The following ZZEF1 variants were observed in gnomAD, a reference collection of about 807,000 sequenced individuals.
ZZEF1 encodes the protein zinc finger ZZ-type and EF-hand domain-containing protein 1.
In ZZEF1, 157 loss-of-function variants were observed where a neutral mutation model predicts 342.8. That is an observed-to-expected ratio of 0.46 (90% CI 0.40 to 0.52). The LOEUF (loss-of-function observed/expected upper bound fraction) is 0.52. ZZEF1 is among the 20% of genes least tolerant of loss of function. ZZEF1 has a pLI of 0.00. For missense variants in ZZEF1, 3,480 were observed against 3,725.6 expected (o/e 0.93, Z 1.72); for synonymous variants, 1,505 against 1,429.1 (o/e 1.05, Z -1.20).
At chr17:4,009,070 T>A in intron 53 of ZZEF1, 116 bp from the exon 54 acceptor site, 1 of 1,255,354 alleles carries the variant, frequency 8.0e-7, no homozygotes, top group Non-Finnish European at 1.1e-6. Flanking sequence ...CGGACGCTAC[T>A]CACGCCGCCC....
chr17:4,053,494 A>T (rs2057092769), intron 34 of ZZEF1, among the ~76,000 whole-genome samples: 1 of 152,330 alleles, frequency 6.6e-6, no homozygotes, highest in South Asian at 2.1e-4. Context: ...TTCCAGAAAC[A>T]ATCTGTACCC....
chr17:4,019,200 T>A (rs1268430653), intron 46 of ZZEF1, among the ~76,000 whole-genome samples: 1 of 152,054 alleles, frequency 6.6e-6, no homozygotes, highest in Non-Finnish European at 1.5e-5. Flanking sequence ...GAAGTCAAAA[T>A]TAGGATACGG....
intron 45 of ZZEF1, chr17:4,020,000 C>A: frequency 2.3e-6 from 1 of 433,636 alleles, no homozygotes; most frequent in South Asian, 3.8e-5. Flanking sequence ...ACACTAAAAC[C>A]CCAAAGAAAT....
At chr17:4,069,614 T>C (rs1459536518) in intron 26 of ZZEF1, among the ~76,000 whole-genome samples, 2 of 152,128 alleles carry the variant, frequency 1.3e-5, no homozygotes, top group South Asian at 2.1e-4. Context: ...GCAGATCACC[T>C]GAGGTCAGGA....
In ZZEF1 at chr17:4,116,956, C is replaced by G. The variant is rs375117810; in HGVS notation, c.694+16G>C. ...ATGATCAGAGTATTTTCAGGAGAAC[C>G]CCCACACACACATACCCTTTTCCTT... On this transcript the variant is annotated intron_variant, in intron 3 of 54. Transcript: ENST00000381638. 8.3e-6 allele frequency: 13 copies of G among 1,556,992 alleles called. No individual in the cohort carries two copies. Among genetic ancestry groups the G allele is most frequent in the African/African-American group, 5.5e-5 (4 of 72,848 alleles).
chr17:4,103,128 G>A (rs1597895937), intron 8 of ZZEF1, among the ~76,000 whole-genome samples: 1 of 152,002 alleles, frequency 6.6e-6, no homozygotes, highest in Non-Finnish European at 1.5e-5. Flanking sequence ...GCTGCTCTGG[G>A]CTGTTGACCA....
intron 19 of ZZEF1, 56 bp downstream of exon 19, chr17:4,077,827 C>T: frequency 1.5e-5 from 23 of 1,583,544 alleles, no homozygotes; most frequent in South Asian, 2.2e-5. Flanking sequence ...GAAGAGAACA[C>T]TCAGAGTCAA....
chr17:4,122,381 C>T (rs1446896344), intron 2 of ZZEF1, among the ~76,000 whole-genome samples: 22 of 145,146 alleles, frequency 1.5e-4, no homozygotes, highest in African/African-American at 5.5e-4. Context: ...CATGTCTTTT[C>T]TTTTTTTTTT....
Position 4,117,124 on chromosome 17 carries a change from A to G in ZZEF1, c.542T>C (p.Ile181Thr). ...GAAGCGCAGTATCATTGACGAGTGA[A>G]TATCAAGGCCCTCCTTCGACTCTGA... ...IFSESKEGLD[I>T]HSSMILRFLH... The change falls in exon 3 of 55, where the codon ATT (isoleucine) becomes ACT (threonine). Residue 181 changes from isoleucine (I) to threonine (T), a missense_variant. Coordinates refer to ENST00000381638, the MANE Select transcript of ZZEF1 (RefSeq NM_015113.4). The G allele has an allele frequency of 4.3e-6, 7 of 1,613,920 alleles. 1 individual carries two copies. The highest frequency in any genetic ancestry group is 2.2e-5 in the South Asian group (2 of 91,066).
rs78111743 is a variant in ZZEF1 at position 4,123,931 on chromosome 17, G to A, written c.475C>T (p.Leu159=). The change falls in exon 2 of 55, where the codon CTA becomes TTA. Residue 159 remains leucine, a synonymous_variant. Coordinates refer to ENST00000381638, the MANE Select transcript of ZZEF1 (RefSeq NM_015113.4). ...CCTGGAACCAGAGAGCAGGCCTGTA[G>A]TTGTCTGATGATGTGGCTCAGCTCC... ...QGELSHIIRQ[L]QACSLVPGFT... 1 of 1,614,018 alleles carries A rather than the reference G, an allele frequency of 6.2e-7. No homozygotes were observed. The highest frequency in any genetic ancestry group is 8.5e-7 in the Non-Finnish European group (1 of 1,179,986).
Position 4,064,495 on chromosome 17 carries a change from GA to G in ZZEF1, c.4583del (p.Phe1528SerfsTer23). On this transcript the variant is annotated frameshift_variant, in exon 29 of 55. Transcript: ENST00000381638. LOFTEE classifies it high-confidence loss of function. ...SPSTPTRRPP[F>X]TRGRLRLLSF... Reference sequence around the variant, plus strand: ...AGAGCAGCCGGAGTCGCCCTCGGGTGAAGGGAGGCCGGCGGGTGGGTGTGGA... The same window carrying G: ...AGAGCAGCCGGAGTCGCCCTCGGGTGAGGGAGGCCGGCGGGTGGGTGTGGA... 6.2e-7 allele frequency: 1 copy of G among 1,614,202 alleles called. No individual in the cohort carries two copies.
intron 28 of ZZEF1, 92 bp downstream of exon 28, chr17:4,066,355 T>A (rs2057394619): frequency 9.1e-7 from 1 of 1,103,144 alleles, no homozygotes; most frequent in Non-Finnish European, 1.4e-6. Flanking sequence ...ACAGCCTCAA[T>A]TAAGATAATC....
chr17:4,009,938 A>C (rs781350444), intron 52 of ZZEF1, among the ~76,000 whole-genome samples, 181 bp from the exon 53 acceptor site: 4 of 152,180 alleles, frequency 2.6e-5, no homozygotes, highest in Non-Finnish European at 4.4e-5. Flanking sequence ...ACAGCAAAGA[A>C]GGAAAGGGGC....
chr17:4,126,150 A>G (rs950950547), intron 1 of ZZEF1, among the ~76,000 whole-genome samples: 1 of 149,452 alleles, frequency 6.7e-6, no homozygotes, highest in African/African-American at 2.5e-5. Flanking sequence ...GCTTGAACCC[A>G]GGAGGCAGAG....
chr17:4,120,009 A>T (rs900527714), intron 2 of ZZEF1, among the ~76,000 whole-genome samples: 15 of 152,186 alleles, frequency 9.9e-5, no homozygotes, highest in African/African-American at 3.6e-4. Flanking sequence ...AATCAAATTA[A>T]ACAGCCAACT....
In ZZEF1 at chr17:4,042,454, G is replaced by C; in HGVS notation, c.6281C>G (p.Ala2094Gly). Residue 2094 changes from alanine to glycine, a missense_variant, in exon 39 of 55, where the codon GCA (alanine) becomes GGA (glycine). Physicochemically the swap from Ala to Gly is moderately conservative, Grantham distance 60. This residue lies in a region of ZZEF1 where 1,269 missense variants were observed against 1,342.4 expected (regional missense o/e 0.95). Transcript: ENST00000381638. ...CGACTTTAAGGGAGGTAACATGGCT[G>C]CTAGTAATCCCAAAATCCTCTTCTG... The part of the protein sequence containing the change: ...CSQKRILGLL[A>G]AMLPPLKSGP... 4 of 1,613,510 alleles carry C rather than the reference G, an allele frequency of 2.5e-6. No homozygotes were observed. The highest frequency in any genetic ancestry group is 3.4e-6 in the Non-Finnish European group (4 of 1,179,856).
rs559609217 is a variant in ZZEF1 at position 4,014,654 on chromosome 17, A to G, written c.8146-139T>C. 1 of 889,156 alleles carries G rather than the reference A, an allele frequency of 1.1e-6. No individual in the cohort carries two copies. The highest frequency in any genetic ancestry group is 1.6e-5 in the African/African-American group (1 of 60,694). The allele number at this position is 889,156 out of a possible 1,614,324, so 55.1% of individuals were successfully genotyped here. A position where few individuals can be genotyped will look rare whatever the true frequency, so the allele number is the denominator to read the frequency against. On this transcript the variant is annotated intron_variant, in intron 49 of 54. Coordinates refer to ENST00000381638, the MANE Select transcript of ZZEF1 (RefSeq NM_015113.4). The surrounding 1 kb of genome is among the most constrained non-coding windows in gnomAD (Gnocchi z 4.4). Reference sequence around the variant, plus strand: ...ACAGCCCTGGCCTCCAGGAGTGCAGAGTCCAGCTAGGGCGAGGAGCATGCA... The same window carrying G: ...ACAGCCCTGGCCTCCAGGAGTGCAGGGTCCAGCTAGGGCGAGGAGCATGCA...
In ZZEF1 at chr17:4,008,488, C is replaced by T. The variant is rs2055860662; in HGVS notation, c.8805+395G>A. 9 of 1,002,590 alleles carry T rather than the reference C, an allele frequency of 9.0e-6. No homozygotes were observed. Among genetic ancestry groups the T allele is most frequent in the Non-Finnish European group, 1.1e-5 (9 of 839,738 alleles). The allele number at this position is 1,002,590 out of a possible 1,614,324, so 62.1% of individuals were successfully genotyped here. A position where few individuals can be genotyped will look rare whatever the true frequency, so the allele number is the denominator to read the frequency against. On this transcript the variant is annotated intron_variant, in intron 54 of 54. Coordinates refer to ENST00000381638, the MANE Select transcript of ZZEF1 (RefSeq NM_015113.4). The surrounding 1 kb of genome is among the most constrained non-coding windows in gnomAD (Gnocchi z 4.2). ...ATATCCAAAAGCTTTCTGAGCTCCT[C>T]AGTCAGTGAAAAGTGTGAAGCGTCC...
intron 41 of ZZEF1, 112 bp from the exon 42 acceptor site, chr17:4,032,370 C>CA: frequency 8.6e-7 from 1 of 1,164,242 alleles, no homozygotes; most frequent in Non-Finnish European, 1.2e-6. Context: ...AACAAGCACG[C>CA]AAGGATAGGG....
Sources: gnomAD v4.1 joint callset for allele counts (sites outside exome capture counted in the v4.1 genomes callset) on GRCh38, gnomAD v4.1.1 for gene constraint, gnomAD v4.1.1 regional missense constraint, Gnocchi (gnomAD v3.1) non-coding constraint, MANE v1.5 for transcripts, NCBI Gene and HGNC (gene_info 2026-07-23, HGNC 2026-07-21) for gene names.